PHLDB2: variants seen among roughly 807,000 people sequenced by gnomAD.
PHLDB2 encodes the protein pleckstrin homology like domain family B member 2.
Under a neutral mutation model 123.6 loss-of-function variants are expected in PHLDB2, and 71 were observed. That is an observed-to-expected ratio of 0.57 (90% CI 0.47 to 0.70). The LOEUF (loss-of-function observed/expected upper bound fraction) is 0.70. Among genes scored for constraint, PHLDB2 ranks in the 30% least tolerant of loss-of-function variants. The probability of loss-of-function intolerance (pLI) is 0.00; values close to 1 mark genes in which losing one functional copy is unlikely to be tolerated. For synonymous variants in PHLDB2, 547 were observed against 541.6 expected (o/e 1.01, Z -0.14); for missense variants, 1,446 against 1,519.5 (o/e 0.95, Z 0.80).
upstream of PHLDB2, among the ~76,000 whole-genome samples, chr3:111,857,144 A>G (rs113804167): frequency 0.029 from 4,480 of 152,190 alleles, 181 homozygotes; most frequent in South Asian, 0.14. Context: ...GGCAGGGGCT[A>G]AGTGAGTGAT....
intron 2 of PHLDB2, among the ~76,000 whole-genome samples, chr3:111,912,835 G>T (rs1179168218): frequency 6.6e-6 from 1 of 152,178 alleles, no homozygotes; most frequent in African/African-American, 2.4e-5. Context: ...AAATGAATTT[G>T]GTGCAATGGC....
intron 1 of PHLDB2, among the ~76,000 whole-genome samples, chr3:111,820,272 G>A (rs1416400362): frequency 4.6e-5 from 7 of 152,146 alleles, no homozygotes; most frequent in African/African-American, 9.7e-5. Context: ...ACTCTGAGTC[G>A]AAATAGTTCA....
chr3:111,855,608 G>T, upstream of PHLDB2, among the ~76,000 whole-genome samples: 1 of 141,304 alleles, frequency 7.1e-6, no homozygotes, highest in East Asian at 2.1e-4. Context: ...GCTTTCTATA[G>T]ATGTTGAGGT....
chr3:111,776,823 A>G (rs375728689), intron 1 of PHLDB2, among the ~76,000 whole-genome samples: 1 of 152,160 alleles, frequency 6.6e-6, no homozygotes, highest in East Asian at 1.9e-4. Context: ...CTCCCTTCCA[A>G]TCTTTCTCAG....
At position 111,778,863 on chromosome 3, in the gene PHLDB2, T is replaced by C. The variant is rs2060315312; in HGVS notation, c.-49+46160T>C. Among the ~76,000 whole-genome samples, 5 of 152,070 alleles carry C rather than the reference T, an allele frequency of 3.3e-5. No individual in the cohort carries two copies. In the South Asian group the frequency reaches 1.0e-3, roughly 31 times the overall value. On this transcript the variant is annotated intron_variant, in intron 1 of 17. Transcript: ENST00000393923. ...CTGAGGGATCACACTTTCTCCCCAG[T>C]TCTCTTCTGTCATCTAATCCACTCT...
intron 1 of PHLDB2, among the ~76,000 whole-genome samples, chr3:111,876,313 G>C (rs1021042675): frequency 2.0e-5 from 3 of 152,100 alleles, no homozygotes; most frequent in Non-Finnish European, 2.9e-5. Flanking sequence ...ATGTACAGTT[G>C]ACTCTAGAGC....
intron 2 of PHLDB2, among the ~76,000 whole-genome samples, chr3:111,894,477 A>T (rs2107395048): frequency 2.6e-5 from 4 of 151,980 alleles, no homozygotes. Flanking sequence ...ATCCCTGAGG[A>T]ATCACCACAC....
At chr3:111,935,169 G>A (rs1400136937) in intron 6 of PHLDB2, among the ~76,000 whole-genome samples, 2 of 144,538 alleles carry the variant, frequency 1.4e-5, no homozygotes, top group Non-Finnish European at 3.0e-5. Flanking sequence ...GTGCGATCTC[G>A]GCTCACTGCA....
At chr3:111,881,773 CT>C (rs11298720) in intron 1 of PHLDB2, among the ~76,000 whole-genome samples, 65,698 of 137,314 alleles carry the variant, frequency 0.48, 15,063 homozygotes, top group East Asian at 0.67. Flanking sequence ...CCTCACTTTT[CT>C]TTTTTTTTTT....
At chr3:111,892,760 A>C (rs573014438) in intron 2 of PHLDB2, among the ~76,000 whole-genome samples, 17 of 152,330 alleles carry the variant, frequency 1.1e-4, no homozygotes, top group African/African-American at 4.1e-4. Context: ...CCAAAGCTAC[A>C]GGTCTGAGAG....
At chr3:111,828,349 C>T (rs1219929037) in intron 1 of PHLDB2, among the ~76,000 whole-genome samples, 1 of 152,222 alleles carries the variant, frequency 6.6e-6, no homozygotes, top group Non-Finnish European at 1.5e-5. Flanking sequence ...ATGCTTCCTA[C>T]CAGTGACAGG....
Position 111,920,233 on chromosome 3 carries a change from GA to G in PHLDB2, c.1864-47del, listed in dbSNP as rs774349765. ...ATGTATCTCTAGGGTGGTCAGTTGAGAATATCCCCAAAGGTGAAACACTTCT... is the reference window on the plus strand; with the variant it reads ...ATGTATCTCTAGGGTGGTCAGTTGAGATATCCCCAAAGGTGAAACACTTCT... On this transcript the variant is annotated intron_variant, in intron 4 of 17. Transcript: ENST00000431670. 4 of 1,587,550 alleles carry G rather than the reference GA, an allele frequency of 2.5e-6. No individual in the cohort carries two copies. The South Asian group carries it at 4.7e-5, about 19-fold the overall frequency.
intron 2 of PHLDB2, among the ~76,000 whole-genome samples, chr3:111,901,571 G>T (rs1448723633): frequency 2.0e-5 from 3 of 151,564 alleles, no homozygotes; most frequent in Non-Finnish European, 4.4e-5. Flanking sequence ...GGATTTAAAG[G>T]TCTTTATACC....
In PHLDB2 at chr3:111,939,545, G is replaced by C. The variant is rs2069728386; in HGVS notation, c.2201G>C (p.Ser734Thr). 1.2e-6 allele frequency: 2 copies of C among 1,613,890 alleles called. No individual in the cohort carries two copies. Among genetic ancestry groups the C allele is most frequent in the Non-Finnish European group, 1.7e-6 (2 of 1,179,870 alleles). Reference sequence around the variant, plus strand: ...GAGTTCCAGCAGCTTGAACATGAGAGCCGTCTAGATGAAGAAAAGGAGAAC... The same window carrying C: ...GAGTTCCAGCAGCTTGAACATGAGACCCGTCTAGATGAAGAAAAGGAGAAC... ...DLEFQQLEHE[S>T]RLDEEKENLT... The change falls in exon 7 of 18, where the codon AGC (serine) becomes ACC (threonine). Residue 734 changes from serine to threonine, a missense_variant. By Grantham distance (58) the Ser-to-Thr change is moderately conservative (BLOSUM62 1). Around this residue, in one of 3 missense-constraint regions of PHLDB2, gnomAD observed 594 missense variants for 646.0 expected, o/e 0.92. Transcript: ENST00000431670.
chr3:111,758,446 A>T (rs1473760522), intron 1 of PHLDB2, among the ~76,000 whole-genome samples: 2 of 152,148 alleles, frequency 1.3e-5, no homozygotes. Context: ...CTGTTTTTTA[A>T]GCTCGTCGGA....
At chr3:111,930,652 T>C (rs2069089436) in intron 5 of PHLDB2, among the ~76,000 whole-genome samples, 1 of 152,196 alleles carries the variant, frequency 6.6e-6, no homozygotes, top group African/African-American at 2.4e-5. Context: ...AATCTAACGG[T>C]GCTAGTATAT....
At chr3:111,793,636 G>A (rs1309678989) in intron 1 of PHLDB2, among the ~76,000 whole-genome samples, 2 of 151,976 alleles carry the variant, frequency 1.3e-5, no homozygotes, top group African/African-American at 4.8e-5. Flanking sequence ...CCTGAAGTCA[G>A]CATGGGACTA....
intron 13 of PHLDB2, among the ~76,000 whole-genome samples, chr3:111,966,237 G>A (rs767239833): frequency 1.3e-5 from 2 of 152,102 alleles, no homozygotes; most frequent in Non-Finnish European, 2.9e-5. Context: ...CTAATGGGAA[G>A]GACTCTCATG....
Position 111,884,664 on chromosome 3 carries a change from C to T in PHLDB2, c.587C>T (p.Ser196Leu), listed in dbSNP as rs746275580. The change falls in exon 2 of 18, where the codon TCG becomes TTG. Residue 196 changes from serine to leucine, a missense_variant. Physicochemically the swap from Ser to Leu is moderately radical, Grantham distance 145 (BLOSUM62 -2). Transcript: ENST00000431670. ...GCTGGCCCGCCTCCTATCAGCAGAT[C>T]GGGAGCCGCAAGCATGCCTTCAAGC... ...SDAGPPPISR[S>L]GAASMPSSPK... The T allele has an allele frequency of 2.4e-5, 38 of 1,613,966 alleles. No individual in the cohort carries two copies. The Admixed American group carries it at 5.0e-4, about 21-fold the overall frequency.
Sources: allele counts gnomAD v4.1 joint callset (sites outside exome capture counted in the v4.1 genomes callset), GRCh38; gene constraint gnomAD v4.1.1; regional missense constraint gnomAD v4.1.1; transcripts MANE v1.5; gene names NCBI Gene and HGNC (gene_info 2026-07-23, HGNC 2026-07-21).